Variants in CLSTN2 observed in about 807,000 individuals in gnomAD.
CLSTN2 encodes the protein calsyntenin 2.
In CLSTN2, 48 loss-of-function variants were observed where a neutral mutation model predicts 101.2. The ratio of observed to expected loss-of-function variants is 0.47; its 90% CI spans 0.38 to 0.60. The LOEUF (loss-of-function observed/expected upper bound fraction) is 0.60. Ranked by LOEUF, CLSTN2 falls within the 20% of genes least tolerant of loss-of-function variation. The probability of loss-of-function intolerance (pLI) is 0.00; values close to 1 mark genes in which losing one functional copy is unlikely to be tolerated. For synonymous variants in CLSTN2, 481 were observed against 463.6 expected (o/e 1.04, Z -0.48); for missense variants, 1,160 against 1,238.2 (o/e 0.94, Z 0.95).
intron 4 of CLSTN2, among the ~76,000 whole-genome samples, chr3:140,405,375 G>A (rs1254963676): frequency 2.0e-5 from 3 of 152,078 alleles, no homozygotes; most frequent in African/African-American, 7.2e-5. Flanking sequence ...TTACAAGCGT[G>A]CGCCACCATG....
chr3:140,370,861 C>A lies in CLSTN2; in HGVS notation c.233-32768C>A, dbSNP rs975048082. On this transcript the variant is annotated intron_variant, in intron 2 of 16. Coordinates refer to ENST00000458420, the MANE Select transcript of CLSTN2 (RefSeq NM_022131.3). ...TCTTCCATCATAATCTAAGCACACA[C>A]ATGCCCCACCCTAGCACCGGCCCCA... Among the ~76,000 whole-genome samples, 4 of 152,156 alleles carry A rather than the reference C, an allele frequency of 2.6e-5. No individual in the cohort carries two copies. The East Asian group carries it at 7.7e-4, about 29-fold the overall frequency.
intron 2 of CLSTN2, among the ~76,000 whole-genome samples, chr3:140,233,259 C>T (rs997924556): frequency 1.3e-5 from 2 of 152,200 alleles, no homozygotes; most frequent in African/African-American, 4.8e-5. Context: ...GCTCACTCTG[C>T]TCCACTGACA....
intron 2 of CLSTN2, among the ~76,000 whole-genome samples, chr3:140,197,481 C>T (rs1291372481): frequency 6.6e-6 from 1 of 152,142 alleles, no homozygotes; most frequent in Non-Finnish European, 1.5e-5. Flanking sequence ...GATAAGGAAA[C>T]TCAGGCTCAG....
chr3:140,087,090 G>T (rs2107783808), intron 1 of CLSTN2, among the ~76,000 whole-genome samples: 1 of 152,272 alleles, frequency 6.6e-6, no homozygotes, highest in Admixed American at 6.5e-5. Context: ...TTTGGTGGAG[G>T]TTTTTTTAAT....
At chr3:140,425,740 C>A (rs1258044208) in intron 5 of CLSTN2, among the ~76,000 whole-genome samples, 1 of 152,204 alleles carries the variant, frequency 6.6e-6, no homozygotes, top group African/African-American at 2.4e-5. Context: ...GGGTGCCAGG[C>A]ACATACATTT....
intron 1 of CLSTN2, among the ~76,000 whole-genome samples, chr3:140,145,035 C>A (rs2009760807): frequency 6.6e-6 from 1 of 152,230 alleles, no homozygotes; most frequent in Non-Finnish European, 1.5e-5. Flanking sequence ...AGTTTTACCA[C>A]CTTGGAATAG....
rs1425651152 is a variant in CLSTN2 at position 140,478,875 on chromosome 3, GA to G, written c.1344+12146del. On this transcript the variant is annotated intron_variant, in intron 8 of 16. Transcript: ENST00000458420. ...AAGGAAGGAAGGAAGGGGGAAGGAG[GA>G]AGGAAGGAAGGAAGGAAGGAAGGAA... Among the ~76,000 whole-genome samples, 7 of 12,328 alleles carry G rather than the reference GA, an allele frequency of 5.7e-4. No individual in the cohort carries two copies. The East Asian group carries it at 7.2e-3, about 13-fold the overall frequency. The allele number at this position is 12,328 out of a possible 152,430, so 8.1% of individuals were successfully genotyped here. A position where few individuals can be genotyped will look rare whatever the true frequency, so the allele number is the denominator to read the frequency against.
At chr3:139,994,211 T>C (rs1936163389) in intron 1 of CLSTN2, among the ~76,000 whole-genome samples, 1 of 152,234 alleles carries the variant, frequency 6.6e-6, no homozygotes, top group African/African-American at 2.4e-5. Context: ...GGTCTTGGGT[T>C]TGGGCACTGT....
intron 11 of CLSTN2, 66 bp from the exon 12 acceptor site, chr3:140,558,574 C>G: frequency 7.2e-7 from 1 of 1,388,638 alleles, no homozygotes; most frequent in African/African-American, 1.4e-5. Context: ...ACCCCTTGTT[C>G]CTGGCTGTAT....
chr3:140,154,978 C>A (rs180860399), intron 1 of CLSTN2, among the ~76,000 whole-genome samples: 1 of 152,174 alleles, frequency 6.6e-6, no homozygotes, highest in East Asian at 1.9e-4. Flanking sequence ...GGGGAAACTC[C>A]CCCATGATCC....
chr3:140,117,807 A>G (rs1366546049), intron 1 of CLSTN2, among the ~76,000 whole-genome samples: 2 of 152,174 alleles, frequency 1.3e-5, no homozygotes, highest in Non-Finnish European at 2.9e-5. Context: ...TGACTTGACC[A>G]AGGTTACAGA....
intron 5 of CLSTN2, among the ~76,000 whole-genome samples, chr3:140,440,588 C>G (rs1426283558): frequency 6.6e-6 from 1 of 152,088 alleles, no homozygotes; most frequent in Non-Finnish European, 1.5e-5. Flanking sequence ...CTCACAGAAA[C>G]CCTATAAACA....
chr3:140,139,098 G>A (rs1386971899), intron 1 of CLSTN2, among the ~76,000 whole-genome samples: 1 of 152,200 alleles, frequency 6.6e-6, no homozygotes, highest in African/African-American at 2.4e-5. Context: ...GAGGGATGAT[G>A]TCAAGTGCCT....
intron 1 of CLSTN2, among the ~76,000 whole-genome samples, chr3:140,094,362 G>A (rs1292831841): frequency 6.6e-6 from 1 of 152,160 alleles, no homozygotes; most frequent in Admixed American, 6.5e-5. Flanking sequence ...GAGCTGTAAA[G>A]TCTCTTCAAA....
intron 1 of CLSTN2, among the ~76,000 whole-genome samples, chr3:140,069,156 CAG>C (rs1414730269): frequency 1.3e-5 from 2 of 152,306 alleles, no homozygotes; most frequent in Admixed American, 1.3e-4. Flanking sequence ...TTGTGGATTT[CAG>C]AGTTATCCTA....
intron 8 of CLSTN2, among the ~76,000 whole-genome samples, chr3:140,467,003 C>T (rs1003034929): frequency 3.9e-5 from 6 of 152,202 alleles, no homozygotes; most frequent in African/African-American, 1.4e-4. Flanking sequence ...TGCTCCACAT[C>T]GAGCTTGTGG....
At chr3:140,153,383 G>A (rs1251580839) in intron 1 of CLSTN2, among the ~76,000 whole-genome samples, 1 of 152,264 alleles carries the variant, frequency 6.6e-6, no homozygotes, top group Non-Finnish European at 1.5e-5. Context: ...TCCTTGCAGT[G>A]AGAATTTGGC....
At chr3:140,028,815 G>T (rs539910122) in intron 1 of CLSTN2, among the ~76,000 whole-genome samples, 2 of 152,160 alleles carry the variant, frequency 1.3e-5, no homozygotes, top group African/African-American at 2.4e-5. Context: ...TTAACACATA[G>T]GTCAGAAGGA....
intron 2 of CLSTN2, among the ~76,000 whole-genome samples, chr3:140,273,185 A>G (rs1392235591): frequency 6.6e-6 from 1 of 152,014 alleles, no homozygotes; most frequent in Non-Finnish European, 1.5e-5. Context: ...AACATTCATT[A>G]TCACAACACA....
Sources: gnomAD v4.1 joint callset for allele counts (sites outside exome capture counted in the v4.1 genomes callset) on GRCh38, gnomAD v4.1.1 for gene constraint, MANE v1.5 for transcripts, NCBI Gene and HGNC (gene_info 2026-07-23, HGNC 2026-07-21) for gene names.